Variants in ATP6V0D1 observed in about 807,000 individuals in gnomAD.
ATP6V0D1 encodes V-type proton ATPase subunit d 1.
ATP6V0D1 carries 13 observed loss-of-function variants against 39.0 expected under a neutral mutation model. That is an observed-to-expected ratio of 0.33 (90% confidence interval 0.22 to 0.53). The LOEUF (loss-of-function observed/expected upper bound fraction) is 0.53, where lower values mean the gene tolerates loss of function less well. Ranked by LOEUF, ATP6V0D1 falls within the 20% of genes least tolerant of loss-of-function variation. The pLI, the probability that ATP6V0D1 is intolerant of heterozygous loss-of-function variation, is 0.94. For missense variants in ATP6V0D1, 272 were observed against 470.9 expected (o/e 0.58, Z 3.91); for synonymous variants, 191 against 191.2 (o/e 1.00, Z 0.01).
Position 67,453,741 on chromosome 16 carries a change from G to A in ATP6V0D1, c.131-26C>T. On this transcript the variant is annotated intron_variant, in intron 1 of 7. Coordinates refer to ENST00000290949, the MANE Select transcript of ATP6V0D1 (RefSeq NM_004691.5). This position sits in a 1 kb window ranked among gnomAD's most constrained non-coding sequence, Gnocchi z 4.1. Reference sequence around the variant, plus strand: ...CTGAAACCCAAGGGTAGGGGGTAAGGGCTAGCCTTGCTGGGCCTCCCCAAG... The same window carrying A: ...CTGAAACCCAAGGGTAGGGGGTAAGAGCTAGCCTTGCTGGGCCTCCCCAAG... 4 of 1,609,024 alleles carry A rather than the reference G, an allele frequency of 2.5e-6. No individual in the cohort carries two copies. Among genetic ancestry groups the A allele is most frequent in the Non-Finnish European group, 3.4e-6 (4 of 1,177,602 alleles).
intron 2 of ATP6V0D1, among the ~76,000 whole-genome samples, chr16:67,446,321 C>T (rs1225869039): frequency 1.3e-5 from 2 of 152,172 alleles, no homozygotes; most frequent in Non-Finnish European, 2.9e-5. Flanking sequence ...TCCCACCCAG[C>T]CTGGCGCCCT....
At chr16:67,468,820 T>C (rs2041350555) in intron 1 of ATP6V0D1, among the ~76,000 whole-genome samples, 1 of 152,104 alleles carries the variant, frequency 6.6e-6, no homozygotes, top group South Asian at 2.1e-4. Flanking sequence ...TCAAAAGGCC[T>C]AGCAGGGGTT....
chr16:67,458,465 C>A (rs1188409501), intron 1 of ATP6V0D1, among the ~76,000 whole-genome samples: 2 of 152,176 alleles, frequency 1.3e-5, no homozygotes, highest in Non-Finnish European at 2.9e-5. Context: ...GGCTCAGCAG[C>A]CTGACAGCCT....
chr16:67,472,289 G>C lies in ATP6V0D1; in HGVS notation c.130+8668C>G, dbSNP rs374649532. ...AACTTCAGGCTTGTGTGGGGTCCAG[G>C]CTCTCACAACTCAACATGCTCATTC... On this transcript the variant is annotated intron_variant, in intron 1 of 7. Transcript: ENST00000290949. Among the ~76,000 whole-genome samples, 18 of 152,258 alleles carry C rather than the reference G, an allele frequency of 1.2e-4. No homozygotes were observed. In the East Asian group the frequency reaches 2.9e-3, roughly 25 times the overall value.
chr16:67,479,187 T>C (rs960057453), intron 1 of ATP6V0D1, among the ~76,000 whole-genome samples: 1 of 151,690 alleles, frequency 6.6e-6, no homozygotes, highest in African/African-American at 2.4e-5. Context: ...GTTAACATCA[T>C]AACACCTACA....
intron 1 of ATP6V0D1, among the ~76,000 whole-genome samples, chr16:67,458,771 C>T (rs987462050): frequency 3.9e-5 from 6 of 152,176 alleles, no homozygotes; most frequent in African/African-American, 1.4e-4. Flanking sequence ...ACTTGGTCTC[C>T]CGGTATCTCC....
At chr16:67,451,087 A>G (rs570761061) in intron 2 of ATP6V0D1, among the ~76,000 whole-genome samples, 21 of 152,192 alleles carry the variant, frequency 1.4e-4, no homozygotes, top group Admixed American at 2.0e-4. Context: ...AGAGGCTGCC[A>G]GGCAGAAAAA....
Position 67,438,188 on chromosome 16 carries a change from C to G in ATP6V0D1, c.*340G>C. 1 of 297,384 alleles carries G rather than the reference C, an allele frequency of 3.4e-6. No individual in the cohort carries two copies. The highest frequency in any genetic ancestry group is 6.4e-6 in the Non-Finnish European group (1 of 156,422). The allele number at this position is 297,384 out of a possible 1,614,324, so 18.4% of individuals were successfully genotyped here. A position where few individuals can be genotyped will look rare whatever the true frequency, so the allele number is the denominator to read the frequency against. On this transcript the variant is annotated 3_prime_UTR_variant, in exon 8 of 8. Transcript: ENST00000290949. ...AGAGGAGGCTCAAACTGCCCCCAGG[C>G]CCCAGGGTTCTCAGGTCAGGGAGTT...
At chr16:67,464,852 C>G (rs1392829010) in intron 1 of ATP6V0D1, among the ~76,000 whole-genome samples, 3 of 152,266 alleles carry the variant, frequency 2.0e-5, no homozygotes, top group South Asian at 2.1e-4. Flanking sequence ...GTGTCCAGCA[C>G]CAGTCAGGGC....
At position 67,438,174 on chromosome 16, in the gene ATP6V0D1, A is replaced by C. The variant is rs1215052822; in HGVS notation, c.*354T>G. On this transcript the variant is annotated 3_prime_UTR_variant, in exon 8 of 8. Coordinates refer to ENST00000290949, the MANE Select transcript of ATP6V0D1 (RefSeq NM_004691.5). ...GACCCACAGAAGGGAGAGGAGGCTCAAACTGCCCCCAGGCCCCAGGGTTCT... is the reference window on the plus strand; with the variant it reads ...GACCCACAGAAGGGAGAGGAGGCTCCAACTGCCCCCAGGCCCCAGGGTTCT... 1 of 281,980 alleles carries C rather than the reference A, an allele frequency of 3.5e-6. No homozygotes were observed. The highest frequency in any genetic ancestry group is 2.2e-5 in the African/African-American group (1 of 45,224). 17.5% of individuals were successfully genotyped at this position (281,980 alleles called of 1,614,324 possible).
intron 1 of ATP6V0D1, chr16:67,458,972 G>A: frequency 1.2e-6 from 1 of 854,058 alleles, no homozygotes; most frequent in African/African-American, 1.8e-5. Context: ...ACCATCACCA[G>A]AATGAAGTCC....
At chr16:67,452,921 T>C (rs190174918) in intron 2 of ATP6V0D1, among the ~76,000 whole-genome samples, 21 of 152,002 alleles carry the variant, frequency 1.4e-4, no homozygotes, top group Admixed American at 9.8e-4. Context: ...CAGCCAAGAG[T>C]CATAAGAATG....
intron 1 of ATP6V0D1, among the ~76,000 whole-genome samples, chr16:67,468,395 C>A (rs2041346839): frequency 6.6e-6 from 1 of 152,054 alleles, no homozygotes; most frequent in South Asian, 2.1e-4. Context: ...CAAGACCAGC[C>A]TGGGAAACAT....
At chr16:67,460,805 C>T (rs1172289141) in intron 1 of ATP6V0D1, among the ~76,000 whole-genome samples, 1 of 152,208 alleles carries the variant, frequency 6.6e-6, no homozygotes, top group East Asian at 1.9e-4. Flanking sequence ...CCCCAGCCCC[C>T]TCTGCAGATC....
intron 1 of ATP6V0D1, among the ~76,000 whole-genome samples, chr16:67,480,737 G>A (rs2041464336): frequency 6.6e-6 from 1 of 152,156 alleles, no homozygotes; most frequent in Non-Finnish European, 1.5e-5. Flanking sequence ...CCCAAGCAGA[G>A]GCGAACAACT....
intron 1 of ATP6V0D1, among the ~76,000 whole-genome samples, chr16:67,466,816 AAAAG>A (rs1880196194): frequency 6.6e-6 from 1 of 152,160 alleles, no homozygotes; most frequent in East Asian, 1.9e-4. Flanking sequence ...AAAAGAAAAG[AAAAG>A]AAAGAGAACA....
chr16:67,438,886 G>A lies in ATP6V0D1; in HGVS notation c.817-16C>T. On this transcript the variant is annotated splice_polypyrimidine_tract_variant and intron_variant, in intron 6 of 7. Transcript: ENST00000290949. ...GCTTGTACTCCTGGCCAGGGGGGTG[G>A]GGGGAAGCACAAGCATGAGGGTTCT... is the stretch of plus-strand genomic sequence containing the variant. The A allele has an allele frequency of 3.1e-6, 5 of 1,613,646 alleles. No homozygotes were observed. Among genetic ancestry groups the A allele is most frequent in the Non-Finnish European group, 4.2e-6 (5 of 1,179,964 alleles).
At chr16:67,458,252 GCT>G (rs1284630583) in intron 1 of ATP6V0D1, among the ~76,000 whole-genome samples, 1 of 152,218 alleles carries the variant, frequency 6.6e-6, no homozygotes, top group East Asian at 1.9e-4. Flanking sequence ...CCAGCTTCCT[GCT>G]CTCTCTGAGG....
In ATP6V0D1 at chr16:67,481,107, G is replaced by T; in HGVS notation, c.-21C>A. 6.2e-7 allele frequency: 1 copy of T among 1,613,540 alleles called. No individual in the cohort carries two copies. Among genetic ancestry groups the T allele is most frequent in the Non-Finnish European group, 8.5e-7 (1 of 1,179,648 alleles). On this transcript the variant is annotated 5_prime_UTR_variant, in exon 1 of 8. Transcript: ENST00000290949. ...GACATGGCTGCTGCGGGAGCGGCGG[G>T]ACCGGAGAACCAGGACCGGCCGGCA...
Sources: allele counts gnomAD v4.1 joint callset (sites outside exome capture counted in the v4.1 genomes callset), GRCh38; gene constraint gnomAD v4.1.1; non-coding constraint Gnocchi (gnomAD v3.1); transcripts MANE v1.5; gene names NCBI Gene and HGNC (gene_info 2026-07-23, HGNC 2026-07-21).